The following SEMA6A variants were observed in gnomAD, a reference collection of about 807,000 sequenced individuals.
SEMA6A encodes the protein semaphorin-6A.
A neutral mutation model predicts 96.8 loss-of-function variants in SEMA6A; 25 were observed. The observed-to-expected ratio is 0.26, with a 90% CI of 0.19 to 0.36. SEMA6A has a LOEUF of 0.36. Ranked by LOEUF, SEMA6A falls within the 10% of genes least tolerant of loss-of-function variation. SEMA6A has a pLI of 1.00. For synonymous variants in SEMA6A, 612 were observed against 518.0 expected (o/e 1.18, Z -2.46); for missense variants, 1,363 against 1,323.1 (o/e 1.03, Z -0.47).
intron 2 of SEMA6A, among the ~76,000 whole-genome samples, chr5:116,503,232 G>A (rs1298650417): frequency 6.6e-6 from 1 of 152,184 alleles, no homozygotes; most frequent in African/African-American, 2.4e-5. Context: ...GGGTGTAAAT[G>A]ATGACTAGAA....
At chr5:116,496,395 C>A in intron 4 of SEMA6A, 82 bp from the exon 5 acceptor site, 1 of 1,158,460 alleles carries the variant, frequency 8.6e-7, no homozygotes, top group Non-Finnish European at 1.3e-6. Flanking sequence ...CTTGGGGAGA[C>A]TAAAGGCTGA....
At chr5:116,568,521 G>A (rs1453464789) in intron 1 of SEMA6A, among the ~76,000 whole-genome samples, 1 of 152,174 alleles carries the variant, frequency 6.6e-6, no homozygotes, top group African/African-American at 2.4e-5. Flanking sequence ...AAAAAAACAT[G>A]AACGTTCTAT....
chr5:116,477,931 A>T lies in SEMA6A; in HGVS notation c.1569-5T>A. The T allele has an allele frequency of 6.2e-7, 1 of 1,613,996 alleles. No homozygotes were observed. Among genetic ancestry groups the T allele is most frequent in the Non-Finnish European group, 8.5e-7 (1 of 1,179,856 alleles). On this transcript the variant is annotated splice_polypyrimidine_tract_variant and splice_region_variant and intron_variant, in intron 14 of 18. Transcript: ENST00000343348. ...TCTCTGGAGGCAATACAGGTTCTGC[A>T]GGAAGAGGATGACCATGAGCTACCT... is the stretch of plus-strand genomic sequence containing the variant.
At chr5:116,569,420 A>C (rs921163313) in intron 1 of SEMA6A, among the ~76,000 whole-genome samples, 1 of 152,150 alleles carries the variant, frequency 6.6e-6, no homozygotes. Flanking sequence ...AGTGCAGATC[A>C]TGTGGGGCTG....
intron 1 of SEMA6A, among the ~76,000 whole-genome samples, chr5:116,531,195 G>A: frequency 6.6e-6 from 1 of 151,630 alleles, no homozygotes; most frequent in African/African-American, 2.4e-5. Flanking sequence ...GGGGTTGGGG[G>A]AGGCGGTGGG....
intron 17 of SEMA6A, chr5:116,468,052 C>A: frequency 2.9e-6 from 1 of 343,164 alleles, no homozygotes; most frequent in Non-Finnish European, 5.4e-6. Context: ...ATAAAGATAC[C>A]TCTCGGTGTT....
At chr5:116,489,408 C>T (rs761818770) in intron 7 of SEMA6A, among the ~76,000 whole-genome samples, 9 of 152,052 alleles carry the variant, frequency 5.9e-5, no homozygotes, top group Non-Finnish European at 1.5e-5. Context: ...AAGATAGATG[C>T]TGATTGTGTC....
At chr5:116,516,543 T>C (rs965145) in intron 1 of SEMA6A, among the ~76,000 whole-genome samples, 10,904 of 152,224 alleles carry the variant, frequency 0.072, 446 homozygotes, top group Admixed American at 0.11. Flanking sequence ...CATTTACTTT[T>C]ATGTAAAAAG....
rs781219472 is a variant in SEMA6A, at chr5:116,478,041, C to T, written c.1541G>A (p.Arg514Gln). ...TTTACACTTCCCATGTCGTTCACACCGGCCAAGGGGAACCTTTATCACACA... is the reference window on the plus strand; with the variant it reads ...TTTACACTTCCCATGTCGTTCACACTGGCCAAGGGGAACCTTTATCACACA... ...STCVIKVPLGRCERHGKCKKT... is the reference protein window; with the variant it reads ...STCVIKVPLGQCERHGKCKKT... The change falls in exon 14 of 19, where the codon CGG (arginine) becomes CAG (glutamine). Residue 514 changes from arginine to glutamine, a missense_variant. Coordinates refer to ENST00000343348, the MANE Select transcript of SEMA6A (RefSeq NM_020796.5). 56 of 1,613,796 alleles carry T rather than the reference C, an allele frequency of 3.5e-5. No homozygotes were observed. The Middle Eastern group carries it at 4.9e-4, about 14-fold the overall frequency.
At position 116,445,852 on chromosome 5, in the gene SEMA6A, G is replaced by C. The variant is rs1185871966; in HGVS notation, c.*761C>G. On this transcript the variant is annotated 3_prime_UTR_variant, in exon 19 of 19. Transcript: ENST00000343348. ...CTTTCAATGGGCTTTCTGAAGAGCT[G>C]TTCATAGGATGATATTTGGAAGAGT... The C allele has an allele frequency of 6.6e-6, 1 of 152,608 alleles. No individual in the cohort carries two copies. Among genetic ancestry groups the C allele is most frequent in the East Asian group, 1.9e-4 (1 of 5,200 alleles). 9.5% of individuals were successfully genotyped at this position (152,608 alleles called of 1,614,324 possible).
At chr5:116,524,817 C>G (rs944701207) in intron 1 of SEMA6A, among the ~76,000 whole-genome samples, 1 of 151,324 alleles carries the variant, frequency 6.6e-6, no homozygotes, top group Non-Finnish European at 1.5e-5. Flanking sequence ...ATTTTTAGAG[C>G]TTATTCTTTA....
intron 18 of SEMA6A, among the ~76,000 whole-genome samples, chr5:116,465,650 T>C (rs750838304): frequency 2.0e-5 from 3 of 152,220 alleles, no homozygotes; most frequent in Non-Finnish European, 4.4e-5. Flanking sequence ...AATTTTAAAA[T>C]GATGTGTCAA....
chr5:116,474,199 C>T (rs184835562), intron 16 of SEMA6A, among the ~76,000 whole-genome samples: 1 of 152,090 alleles, frequency 6.6e-6, no homozygotes, highest in East Asian at 1.9e-4. Context: ...ACAGACACCA[C>T]TATTGCAAGT....
chr5:116,536,828 G>A lies in SEMA6A; in HGVS notation c.-38-31846C>T, dbSNP rs73780330. On this transcript the variant is annotated intron_variant, in intron 1 of 18. Coordinates refer to ENST00000343348, the MANE Select transcript of SEMA6A (RefSeq NM_020796.5). ...TGCACAATGCAAGCAGCCTCTGAAT[G>A]GTCGAAAAGCTTTTTATTCAGTCCC... Among the ~76,000 whole-genome samples, 1,006 of 137,288 alleles carry A rather than the reference G, an allele frequency of 7.3e-3. 12 individuals are homozygous for A. Among genetic ancestry groups the A allele is most frequent in the African/African-American group, 0.026 (941 of 35,838 alleles). 90.1% of individuals were successfully genotyped at this position (137,288 alleles called of 152,430 possible).
chr5:116,549,306 G>T (rs1291482372), intron 1 of SEMA6A, among the ~76,000 whole-genome samples: 2 of 152,164 alleles, frequency 1.3e-5, no homozygotes, highest in Non-Finnish European at 2.9e-5. Flanking sequence ...AGCGTATGGA[G>T]AGCTCGGCAC....
At chr5:116,537,539 C>A (rs1759770671) in intron 1 of SEMA6A, among the ~76,000 whole-genome samples, 1 of 152,252 alleles carries the variant, frequency 6.6e-6, no homozygotes, top group East Asian at 1.9e-4. Context: ...AGTTGCATGA[C>A]CTAGAGACAA....
At chr5:116,542,138 A>AT (rs528893199) in intron 1 of SEMA6A, among the ~76,000 whole-genome samples, 4 of 151,894 alleles carry the variant, frequency 2.6e-5, no homozygotes, top group African/African-American at 7.3e-5. Context: ...TTGGTGTAGA[A>AT]TTTTTTTTAA....
At chr5:116,461,075 AAAT>A (rs1455492992) in intron 18 of SEMA6A, among the ~76,000 whole-genome samples, 1 of 152,184 alleles carries the variant, frequency 6.6e-6, no homozygotes, top group African/African-American at 2.4e-5. Context: ...CTGATGAACT[AAAT>A]ATTAAGAACT....
At chr5:116,526,154 G>C (rs1487914721) in intron 1 of SEMA6A, among the ~76,000 whole-genome samples, 1 of 151,718 alleles carries the variant, frequency 6.6e-6, no homozygotes, top group Non-Finnish European at 1.5e-5. Flanking sequence ...TTTATCCTTT[G>C]TGTCTTGAAC....
Sources: gnomAD v4.1 joint callset for allele counts (sites outside exome capture counted in the v4.1 genomes callset) on GRCh38, gnomAD v4.1.1 for gene constraint, MANE v1.5 for transcripts, NCBI Gene and HGNC (gene_info 2026-07-23, HGNC 2026-07-21) for gene names.